Variants in PTPRM observed in about 807,000 individuals in gnomAD.
The protein encoded by PTPRM is receptor-type tyrosine-protein phosphatase mu.
PTPRM carries 47 observed loss-of-function variants against 186.7 expected under a neutral mutation model. The ratio of observed to expected loss-of-function variants is 0.25; its 90% CI spans 0.20 to 0.32. PTPRM has a LOEUF of 0.32. PTPRM is among the 10% of genes least tolerant of loss of function. The probability of loss-of-function intolerance (pLI) is 1.00; values close to 1 mark genes in which losing one functional copy is unlikely to be tolerated. For synonymous variants in PTPRM, 668 were observed against 674.9 expected, an observed-to-expected ratio of 0.99 and a Z score of 0.16; for missense variants, 1,494 against 1,865.0, an observed-to-expected ratio of 0.80 and a Z score of 3.66.
At chr18:7,681,320 G>A (rs1388638900) in intron 1 of PTPRM, among the ~76,000 whole-genome samples, 1 of 152,092 alleles carries the variant, frequency 6.6e-6, no homozygotes, top group Non-Finnish European at 1.5e-5. Flanking sequence ...TGTTGTTGAA[G>A]AAATTAAATA....
intron 1 of PTPRM, among the ~76,000 whole-genome samples, chr18:7,589,148 C>G (rs190091059): frequency 6.6e-6 from 1 of 152,306 alleles, no homozygotes; most frequent in East Asian, 1.9e-4. Context: ...CCATCCATCC[C>G]ATTGTTTTAC....
chr18:7,721,148 T>A (rs1181217719), intron 1 of PTPRM, among the ~76,000 whole-genome samples: 1 of 151,818 alleles, frequency 6.6e-6, no homozygotes, highest in Non-Finnish European at 1.5e-5. Context: ...TTTCTTTTTT[T>A]TTTTTTGATA....
At chr18:8,146,044 G>A in intron 14 of PTPRM, among the ~76,000 whole-genome samples, 1 of 62,712 alleles carries the variant, frequency 1.6e-5, no homozygotes, top group African/African-American at 6.5e-5. Context: ...TTTTTTTTTT[G>A]AGATGGAGTT....
chr18:7,935,808 T>C (rs989025515), intron 5 of PTPRM, among the ~76,000 whole-genome samples: 1 of 152,112 alleles, frequency 6.6e-6, no homozygotes, highest in Non-Finnish European at 1.5e-5. Context: ...TTTTTGACCC[T>C]CACCTTCCTC....
chr18:7,883,446 T>A (rs1429599690), intron 2 of PTPRM, among the ~76,000 whole-genome samples: 1 of 152,236 alleles, frequency 6.6e-6, no homozygotes, highest in Non-Finnish European at 1.5e-5. Context: ...GAGTTGACTT[T>A]ATACCTTCAT....
chr18:7,769,166 C>A (rs893782658), intron 1 of PTPRM, among the ~76,000 whole-genome samples: 1 of 152,066 alleles, frequency 6.6e-6, no homozygotes, highest in African/African-American at 2.4e-5. Flanking sequence ...GAAGATAGTT[C>A]TCTCTGAATT....
intron 14 of PTPRM, among the ~76,000 whole-genome samples, chr18:8,224,333 G>A (rs1286768305): frequency 6.6e-6 from 1 of 152,144 alleles, no homozygotes; most frequent in Non-Finnish European, 1.5e-5. Flanking sequence ...TGAGGAAAAG[G>A]AGAACCCTCT....
intron 7 of PTPRM, among the ~76,000 whole-genome samples, chr18:7,962,687 CTATT>C (rs1251539059): frequency 2.6e-5 from 4 of 152,118 alleles, no homozygotes; most frequent in African/African-American, 9.7e-5. Flanking sequence ...GACCTCGCTG[CTATT>C]TATTTATTAT....
At chr18:8,166,890 C>CTAGG (rs1600955908) in intron 14 of PTPRM, among the ~76,000 whole-genome samples, 5 of 152,232 alleles carry the variant, frequency 3.3e-5, no homozygotes, top group Admixed American at 2.6e-4. Context: ...TAAAATAGAC[C>CTAGG]TAGGCAAAGA....
intron 9 of PTPRM, among the ~76,000 whole-genome samples, chr18:8,081,524 G>A (rs1030139718): frequency 1.3e-5 from 2 of 152,186 alleles, no homozygotes; most frequent in African/African-American, 4.8e-5. Flanking sequence ...TAATAAGCAT[G>A]TATTGAATGA....
intron 7 of PTPRM, among the ~76,000 whole-genome samples, chr18:7,984,935 A>T (rs2082799105): frequency 1.0e-5 from 1 of 95,778 alleles, no homozygotes; most frequent in African/African-American, 4.1e-5. Flanking sequence ...ATATAAATAT[A>T]TACATATATA....
At chr18:7,925,724 A>C (rs918354528) in intron 4 of PTPRM, among the ~76,000 whole-genome samples, 2 of 151,768 alleles carry the variant, frequency 1.3e-5, no homozygotes, top group Non-Finnish European at 1.5e-5. Flanking sequence ...CCGCTTTGTT[A>C]CTCTTTCACT....
intron 14 of PTPRM, among the ~76,000 whole-genome samples, chr18:8,173,390 T>G (rs929573923): frequency 2.0e-5 from 3 of 152,378 alleles, no homozygotes; most frequent in Non-Finnish European, 4.4e-5. Context: ...GCAGAGCATC[T>G]ATTTTGCTGT....
intron 22 of PTPRM, among the ~76,000 whole-genome samples, chr18:8,321,465 A>G (rs1022109114): frequency 1.8e-4 from 27 of 152,210 alleles, no homozygotes; most frequent in Admixed American, 2.0e-4. Context: ...AGAAATGCCA[A>G]TAGAGAAGTC....
intron 19 of PTPRM, among the ~76,000 whole-genome samples, chr18:8,275,249 G>A (rs1306339275): frequency 1.3e-5 from 2 of 151,704 alleles, no homozygotes; most frequent in Non-Finnish European, 2.9e-5. Context: ...GGCTAACCTG[G>A]GCAACATAGT....
At chr18:8,263,653 T>C (rs1039298113) in intron 19 of PTPRM, among the ~76,000 whole-genome samples, 28 of 152,046 alleles carry the variant, frequency 1.8e-4, no homozygotes, top group African/African-American at 6.8e-4. Context: ...ATTAGAGAGT[T>C]GGAACTTTTT....
At chr18:8,387,489 G>T (rs972737758) in intron 31 of PTPRM, among the ~76,000 whole-genome samples, 11 of 120,302 alleles carry the variant, frequency 9.1e-5, no homozygotes, top group Admixed American at 4.8e-4. Flanking sequence ...TGCCTCCGCC[G>T]CCCACTGCCA....
chr18:8,303,147 G>A (rs2095178915), intron 20 of PTPRM, among the ~76,000 whole-genome samples: 1 of 152,092 alleles, frequency 6.6e-6, no homozygotes, highest in African/African-American at 2.4e-5. Context: ...GCGGTCCTGA[G>A]ACAGAACTGC....
chr18:7,909,997 A>G (rs994737622), intron 4 of PTPRM, among the ~76,000 whole-genome samples: 4 of 152,350 alleles, frequency 2.6e-5, no homozygotes, highest in African/African-American at 9.6e-5. Context: ...ATTTTATTAC[A>G]ATAGCTTCCT....
Sources: gnomAD v4.1 joint callset for allele counts (sites outside exome capture counted in the v4.1 genomes callset) on GRCh38, gnomAD v4.1.1 for gene constraint, MANE v1.5 for transcripts, NCBI Gene and HGNC (gene_info 2026-07-23, HGNC 2026-07-21) for gene names.